Variants in RBFOX1 observed in about 807,000 individuals in gnomAD.
RBFOX1 encodes the protein RNA binding protein fox-1 homolog 1.
In RBFOX1, 8 loss-of-function variants were observed where a neutral mutation model predicts 57.7. The observed-to-expected ratio is 0.14, with a 90% CI of 0.08 to 0.25. The LOEUF is 0.25. Ranked by LOEUF, RBFOX1 falls within the 10% of genes least tolerant of loss-of-function variation. The pLI, the probability that RBFOX1 is intolerant of heterozygous loss-of-function variation, is 1.00. For synonymous variants in RBFOX1, 326 were observed against 222.4 expected (o/e 1.47, Z -4.15); for missense variants, 611 against 548.5 (o/e 1.11, Z -1.14).
intron 3 of RBFOX1, among the ~76,000 whole-genome samples, chr16:6,743,636 G>T (rs898585319): frequency 6.6e-6 from 1 of 151,776 alleles, no homozygotes; most frequent in East Asian, 1.9e-4. Context: ...CCAGCTACGT[G>T]GGAGGCTGAG....
intron 1 of RBFOX1, among the ~76,000 whole-genome samples, chr16:5,460,398 C>T (rs986140238): frequency 2.0e-5 from 3 of 152,190 alleles, no homozygotes; most frequent in African/African-American, 7.2e-5. Flanking sequence ...ACCACTGCAC[C>T]TCCCTCATAT....
intron 10 of RBFOX1, among the ~76,000 whole-genome samples, chr16:7,611,264 A>C (rs1315673688): frequency 1.3e-5 from 2 of 152,184 alleles, no homozygotes; most frequent in African/African-American, 4.8e-5. Flanking sequence ...CTTGTCCCTA[A>C]CATTTATTTT....
intron 2 of RBFOX1, among the ~76,000 whole-genome samples, chr16:5,480,995 A>G (rs1052544040): frequency 2.0e-5 from 3 of 152,268 alleles, no homozygotes; most frequent in Non-Finnish European, 2.9e-5. Flanking sequence ...GCATTCATGC[A>G]GGTTGTAGCA....
intron 2 of RBFOX1, among the ~76,000 whole-genome samples, chr16:6,652,457 A>C (rs1241757099): frequency 6.6e-6 from 1 of 151,912 alleles, no homozygotes; most frequent in Non-Finnish European, 1.5e-5. Context: ...AGGAAAGAAA[A>C]AAAAAAGCCA....
intron 3 of RBFOX1, among the ~76,000 whole-genome samples, chr16:5,862,153 C>A (rs778164087): frequency 6.6e-6 from 1 of 152,200 alleles, no homozygotes; most frequent in Admixed American, 6.5e-5. Flanking sequence ...CTGGCAAAGA[C>A]GACCTGCTAG....
chr16:5,879,914 C>A (rs2057721496), intron 4 of RBFOX1, among the ~76,000 whole-genome samples: 1 of 152,172 alleles, frequency 6.6e-6, no homozygotes, highest in Non-Finnish European at 1.5e-5. Flanking sequence ...GCAGAGATGG[C>A]ACACATTCCT....
At chr16:6,846,210 G>A (rs2093746402) in intron 3 of RBFOX1, among the ~76,000 whole-genome samples, 2 of 152,210 alleles carry the variant, frequency 1.3e-5, no homozygotes, top group Non-Finnish European at 2.9e-5. Flanking sequence ...GACTTGGGAA[G>A]GGTGTGTGCA....
chr16:5,943,632 T>G (rs1413879232), intron 4 of RBFOX1, among the ~76,000 whole-genome samples: 1 of 152,188 alleles, frequency 6.6e-6, no homozygotes, highest in Admixed American at 6.5e-5. Flanking sequence ...GCATCTTGAT[T>G]GATTTATCTG....
intron 3 of RBFOX1, among the ~76,000 whole-genome samples, chr16:5,836,539 GTCCACTTCA>G (rs1361210768): frequency 6.6e-6 from 1 of 152,016 alleles, no homozygotes; most frequent in Non-Finnish European, 1.5e-5. Context: ...TGCCCTTCAC[GTCCACTTCA>G]TCCCCAAGTC....
intron 3 of RBFOX1, among the ~76,000 whole-genome samples, chr16:6,802,608 C>A (rs577605211): frequency 1.3e-5 from 2 of 152,132 alleles, no homozygotes; most frequent in African/African-American, 4.8e-5. Context: ...ACCTGGGTGG[C>A]CGAGATTGCA....
At chr16:6,093,073 T>TACCTAAAATAAAAGGGTA (rs2096199681) in intron 1 of RBFOX1, 3 of 152,142 alleles carry the variant, frequency 2.0e-5, no homozygotes, top group Non-Finnish European at 4.4e-5. Flanking sequence ...AATAAAAGTT[T>TACCTAAAATAAAAGGGTA]AAAAATATTA....
chr16:7,609,173 C>A (rs767942012), intron 10 of RBFOX1, among the ~76,000 whole-genome samples: 33 of 152,286 alleles, frequency 2.2e-4, no homozygotes, highest in Non-Finnish European at 3.7e-4. Flanking sequence ...CTCCTATATG[C>A]ACATATCTGA....
intron 1 of RBFOX1, among the ~76,000 whole-genome samples, chr16:6,277,914 G>T (rs752392243): frequency 1.3e-5 from 2 of 152,096 alleles, no homozygotes; most frequent in African/African-American, 4.8e-5. Context: ...TTACCCTCGT[G>T]TAAGCTGTCT....
At chr16:5,633,653 C>T (rs911758935) in intron 3 of RBFOX1, among the ~76,000 whole-genome samples, 1 of 152,004 alleles carries the variant, frequency 6.6e-6, no homozygotes, top group African/African-American at 2.4e-5. Context: ...GTGGGTGGCT[C>T]ACCTGAGGTG....
At chr16:7,595,761 T>C in intron 8 of RBFOX1, 120 bp downstream of exon 8, 4 of 363,280 alleles carry the variant, frequency 1.1e-5, no homozygotes, top group Non-Finnish European at 1.7e-5. Flanking sequence ...TCATTGTTTA[T>C]ATATATATAT....
chr16:5,393,714 A>G (rs1439683963), intron 1 of RBFOX1, among the ~76,000 whole-genome samples: 2 of 152,128 alleles, frequency 1.3e-5, no homozygotes, highest in East Asian at 3.9e-4. Context: ...AATATATGTA[A>G]TTTAAAATGT....
At chr16:6,190,896 G>C (rs1230084575) in intron 1 of RBFOX1, among the ~76,000 whole-genome samples, 2 of 152,130 alleles carry the variant, frequency 1.3e-5, no homozygotes, top group Non-Finnish European at 2.9e-5. Flanking sequence ...TCTTGTGTGT[G>C]GTGTGACTGT....
intron 3 of RBFOX1, among the ~76,000 whole-genome samples, chr16:6,885,412 C>G (rs541237841): frequency 6.6e-6 from 1 of 152,302 alleles, no homozygotes; most frequent in South Asian, 2.1e-4. Flanking sequence ...TTTACAAAAC[C>G]CATTTTAATA....
intron 3 of RBFOX1, among the ~76,000 whole-genome samples, chr16:5,658,837 TATATA>T (rs1422947308): frequency 1.3e-5 from 2 of 148,356 alleles, no homozygotes; most frequent in African/African-American, 2.5e-5. Flanking sequence ...TATATGTATA[TATATA>T]ATATATGTAT....
Sources: allele counts gnomAD v4.1 joint callset (sites outside exome capture counted in the v4.1 genomes callset), GRCh38; gene constraint gnomAD v4.1.1; transcripts MANE v1.5; gene names NCBI Gene and HGNC (gene_info 2026-07-23, HGNC 2026-07-21).